Variants in PRKG1 observed in about 807,000 individuals in gnomAD.
PRKG1 encodes protein kinase cGMP-dependent 1.
A neutral mutation model predicts 88.1 loss-of-function variants in PRKG1; 35 were observed. The observed-to-expected ratio is 0.40, with a 90% CI of 0.30 to 0.53. The LOEUF is 0.53. Ranked by LOEUF, PRKG1 falls within the 20% of genes least tolerant of loss-of-function variation. The pLI is 0.59. For synonymous variants in PRKG1, 303 were observed against 292.5 expected (o/e 1.04, Z -0.37); for missense variants, 540 against 839.8 (o/e 0.64, Z 4.41).
At chr10:52,029,315 C>T (rs1845421467) in intron 5 of PRKG1, among the ~76,000 whole-genome samples, 1 of 152,048 alleles carries the variant, frequency 6.6e-6, no homozygotes, top group Non-Finnish European at 1.5e-5. Context: ...TGTTTGACTT[C>T]TTTTTTGGAT....
At chr10:52,061,143 A>T (rs1846226321) in intron 6 of PRKG1, among the ~76,000 whole-genome samples, 1 of 151,980 alleles carries the variant, frequency 6.6e-6, no homozygotes, top group Non-Finnish European at 1.5e-5. Context: ...TAGTGGTCAC[A>T]GAGACACAGA....
At chr10:51,392,284 C>G (rs1045703394) in intron 2 of PRKG1, among the ~76,000 whole-genome samples, 2 of 151,848 alleles carry the variant, frequency 1.3e-5, no homozygotes, top group Non-Finnish European at 1.5e-5. Flanking sequence ...TGCGGCCTTC[C>G]GCAGTGTTTG....
At chr10:51,870,255 T>A (rs1157017627) in intron 4 of PRKG1, among the ~76,000 whole-genome samples, 4 of 152,150 alleles carry the variant, frequency 2.6e-5, no homozygotes, top group Admixed American at 6.5e-5. Flanking sequence ...AGTGACCCAA[T>A]GTGAATTGGT....
intron 4 of PRKG1, among the ~76,000 whole-genome samples, chr10:51,867,278 A>G (rs1028682594): frequency 8.5e-5 from 13 of 152,184 alleles, no homozygotes; most frequent in African/African-American, 3.1e-4. Flanking sequence ...GGAATAGTGC[A>G]TGAAGGACCT....
intron 9 of PRKG1, among the ~76,000 whole-genome samples, chr10:52,226,775 G>A (rs1840398151): frequency 7.3e-6 from 1 of 137,708 alleles, no homozygotes; most frequent in South Asian, 2.3e-4. Flanking sequence ...ATATCACAAA[G>A]GAACAGGTCA....
intron 1 of PRKG1, among the ~76,000 whole-genome samples, chr10:51,009,526 T>C (rs1316029694): frequency 6.6e-6 from 1 of 152,316 alleles, no homozygotes; most frequent in Middle Eastern, 3.4e-3. Context: ...TTTACTATCA[T>C]ACCACTGAAA....
chr10:51,877,139 G>A (rs1841319641), intron 4 of PRKG1, among the ~76,000 whole-genome samples: 2 of 152,018 alleles, frequency 1.3e-5, no homozygotes. Context: ...ACCCTCCCAT[G>A]TTGCGCAAAC....
rs1236827194 is a variant in PRKG1 at position 51,680,801 on chromosome 10, T to A, written c.593-123784T>A. On this transcript the variant is annotated intron_variant, in intron 3 of 17. Coordinates refer to ENST00000373980, the MANE Select transcript of PRKG1 (RefSeq NM_006258.4). The stretch of plus-strand genomic sequence containing the variant: ...TGGGACAAAGTAGATATTGAATAAA[T>A]ACAAAAATCAGTGGGAGCAGGATCC... Among the ~76,000 whole-genome samples, 3 of 152,214 alleles carry A rather than the reference T, an allele frequency of 2.0e-5. No homozygotes were observed. The East Asian group carries it at 5.8e-4, about 29-fold the overall frequency.
At chr10:51,344,204 A>G (rs1842063192) in intron 2 of PRKG1, among the ~76,000 whole-genome samples, 1 of 152,200 alleles carries the variant, frequency 6.6e-6, no homozygotes, top group African/African-American at 2.4e-5. Context: ...GACAGAAGGC[A>G]AAGCGGGGAG....
chr10:51,303,862 C>T (rs911338302), intron 2 of PRKG1, among the ~76,000 whole-genome samples: 3 of 151,880 alleles, frequency 2.0e-5, no homozygotes, highest in Non-Finnish European at 2.9e-5. Flanking sequence ...ACTCTGTAAC[C>T]CAGGCTGGAG....
chr10:51,519,905 A>C lies in PRKG1; in HGVS notation c.592+52069A>C, dbSNP rs562471932. Among the ~76,000 whole-genome samples the C allele has an allele frequency of 1.4e-4, 22 of 152,316 alleles. No homozygotes were observed. In the South Asian group the frequency reaches 4.6e-3, roughly 32 times the overall value. Reference sequence around the variant, plus strand: ...GGCTGTAATCTTATCTCAGAAAGAAACAGGAAATTTACCAGTTACTGTATT... The same window carrying C: ...GGCTGTAATCTTATCTCAGAAAGAACCAGGAAATTTACCAGTTACTGTATT... On this transcript the variant is annotated intron_variant, in intron 3 of 17. Transcript: ENST00000373980.
At chr10:51,364,661 T>TA (rs1022699149) in intron 2 of PRKG1, among the ~76,000 whole-genome samples, 1 of 151,850 alleles carries the variant, frequency 6.6e-6, no homozygotes, top group African/African-American at 2.4e-5. Context: ...TGGATTTATA[T>TA]AAAAAAATTT....
At chr10:52,258,974 T>G (rs1841370192) in intron 10 of PRKG1, among the ~76,000 whole-genome samples, 1 of 151,926 alleles carries the variant, frequency 6.6e-6, no homozygotes, top group Non-Finnish European at 1.5e-5. Flanking sequence ...AGGCAAGGGT[T>G]ACAACATAAA....
chr10:50,999,797 T>TG (rs967025346), intron 1 of PRKG1, among the ~76,000 whole-genome samples: 55 of 152,350 alleles, frequency 3.6e-4, no homozygotes, highest in African/African-American at 1.1e-3. Context: ...CCAAGGTACT[T>TG]GGCTACATAT....
intron 2 of PRKG1, among the ~76,000 whole-genome samples, chr10:51,364,690 A>G (rs1842553502): frequency 6.6e-6 from 1 of 151,154 alleles, no homozygotes; most frequent in East Asian, 2.0e-4. Flanking sequence ...ACCTATAGAT[A>G]GAAAAAAATA....
chr10:51,562,955 T>TG (rs1210873048), intron 3 of PRKG1, among the ~76,000 whole-genome samples: 26 of 138,970 alleles, frequency 1.9e-4, no homozygotes, highest in Admixed American at 1.1e-3. Flanking sequence ...TATTTTTATT[T>TG]TTATTTTAAA....
At chr10:52,038,682 G>A (rs1845679901) in intron 5 of PRKG1, among the ~76,000 whole-genome samples, 2 of 152,216 alleles carry the variant, frequency 1.3e-5, no homozygotes, top group South Asian at 4.1e-4. Flanking sequence ...TAAGGGTGAA[G>A]GACCAAGGCA....
intron 1 of PRKG1, among the ~76,000 whole-genome samples, chr10:51,115,924 G>C: frequency 6.6e-6 from 1 of 152,038 alleles, no homozygotes; most frequent in East Asian, 1.9e-4. Context: ...AGAAATCAGG[G>C]GCAAAGGGTA....
At chr10:51,422,180 C>T (rs1227218597) in intron 2 of PRKG1, among the ~76,000 whole-genome samples, 1 of 152,178 alleles carries the variant, frequency 6.6e-6, no homozygotes, top group Non-Finnish European at 1.5e-5. Context: ...TCTCTATTTG[C>T]CCAAACAACC....
Sources: allele counts gnomAD v4.1 joint callset (sites outside exome capture counted in the v4.1 genomes callset), GRCh38; gene constraint gnomAD v4.1.1; transcripts MANE v1.5; gene names NCBI Gene and HGNC (gene_info 2026-07-23, HGNC 2026-07-21).